The following MYO3B variants were observed in gnomAD, a reference collection of about 807,000 sequenced individuals.
MYO3B encodes myosin-IIIb.
In MYO3B, 156 loss-of-function variants were observed where a neutral mutation model predicts 174.6. That is an observed-to-expected ratio of 0.89 (90% confidence interval 0.78 to 1.02). MYO3B has a LOEUF of 1.02. Among genes scored for constraint, MYO3B ranks in the 50% least tolerant of loss-of-function variants. The pLI is 0.00. For missense variants in MYO3B, 1,632 were observed against 1,639.4 expected, an observed-to-expected ratio of 1.00 and a Z score of 0.08; for synonymous variants, 563 against 569.1, an observed-to-expected ratio of 0.99 and a Z score of 0.15.
At chr2:170,389,463 A>C (rs1056385683) in intron 14 of MYO3B, among the ~76,000 whole-genome samples, 1 of 152,194 alleles carries the variant, frequency 6.6e-6, no homozygotes, top group Non-Finnish European at 1.5e-5. Flanking sequence ...CTAAACCTTT[A>C]TTGAGTTAAG....
chr2:170,397,745 C>A (rs1027101144), intron 16 of MYO3B, among the ~76,000 whole-genome samples: 7 of 152,136 alleles, frequency 4.6e-5, no homozygotes, highest in Non-Finnish European at 5.9e-5. Context: ...ATCCCACAAG[C>A]TAAGGGCTCA....
rs777784789 is a variant in MYO3B, at chr2:170,531,908, G to T, written c.3576-10998G>T. Among the ~76,000 whole-genome samples, 41 of 152,188 alleles carry T rather than the reference G, an allele frequency of 2.7e-4. 1 individual carries two copies. Among genetic ancestry groups the T allele is most frequent in the Non-Finnish European group, 8.8e-5 (6 of 68,028 alleles). On this transcript the variant is annotated intron_variant, in intron 30 of 34. Coordinates refer to ENST00000408978, the MANE Select transcript of MYO3B (RefSeq NM_138995.5). ...TCATTTGGCAACTGCAAAAATAATT[G>T]TTTCAGGCAATAATTATGAATGGAT... is the stretch of plus-strand genomic sequence containing the variant.
chr2:170,522,659 C>T (rs1406428821), intron 30 of MYO3B, among the ~76,000 whole-genome samples: 4 of 152,200 alleles, frequency 2.6e-5, no homozygotes, highest in Non-Finnish European at 4.4e-5. Context: ...GTCCTCCAGG[C>T]TCACCTCCAC....
intron 23 of MYO3B, among the ~76,000 whole-genome samples, chr2:170,445,170 G>A (rs1001752073): frequency 7.5e-6 from 1 of 133,148 alleles, no homozygotes; most frequent in African/African-American, 2.5e-5. Flanking sequence ...AATAATTATA[G>A]TCAGTATTTT....
In MYO3B at chr2:170,391,559, T is replaced by G. The variant is rs2094412073; in HGVS notation, c.1617T>G (p.Ala539=). ...KNFHIFYYIY[A]GLHHQKKLSD... is the part of the protein sequence containing the mutation. ...TTCATATATTTTACTATATTTATGC[T>G]GGTCTTCATCACCAAAAGAAGCTTT... The change falls in exon 15 of 35, where the codon GCT becomes GCG. Residue 539 remains alanine, a synonymous_variant. Coordinates refer to ENST00000408978, the MANE Select transcript of MYO3B (RefSeq NM_138995.5). 1.3e-6 allele frequency: 2 copies of G among 1,578,790 alleles called. No individual in the cohort carries two copies. The highest frequency in any genetic ancestry group is 4.6e-5 in the East Asian group (2 of 43,642).
Position 170,387,142 on chromosome 2 carries a change from G to A in MYO3B, c.1411G>A (p.Val471Ile). ...GACCTTGAGAGAGAAAATTCTACAAGTCAACTCCCTGGTGGAAGCCTTTGG... is the reference window on the plus strand; with the variant it reads ...GACCTTGAGAGAGAAAATTCTACAAATCAACTCCCTGGTGGAAGCCTTTGG... ...NQTLREKILQ[V>I]NSLVEAFGNS... The change falls in exon 14 of 35, where the codon GTC becomes ATC. Residue 471 changes from valine to isoleucine, a missense_variant. Val to Ile is a conservative substitution (Grantham distance 29). Coordinates refer to ENST00000408978, the MANE Select transcript of MYO3B (RefSeq NM_138995.5). 1 of 1,614,048 alleles carries A rather than the reference G, an allele frequency of 6.2e-7. No individual in the cohort carries two copies. The highest frequency in any genetic ancestry group is 1.1e-5 in the South Asian group (1 of 91,078).
rs762384705 is a variant in MYO3B at position 170,429,689 on chromosome 2, G to A, written c.2651-14278G>A. ...GGTTTACATTCTGTATCTGTCTTGC[G>A]CATGTCTTTCAGATAGAATACCTTC... On this transcript the variant is annotated intron_variant, in intron 22 of 34. Coordinates refer to ENST00000408978, the MANE Select transcript of MYO3B (RefSeq NM_138995.5). Among the ~76,000 whole-genome samples the A allele has an allele frequency of 1.1e-4, 17 of 152,162 alleles. 1 individual carries two copies. Among genetic ancestry groups the A allele is most frequent in the Admixed American group, 7.9e-4 (12 of 15,266 alleles).
intron 7 of MYO3B, among the ~76,000 whole-genome samples, chr2:170,253,250 T>C (rs577066528): frequency 3.3e-4 from 50 of 152,122 alleles, no homozygotes; most frequent in African/African-American, 1.1e-3. Flanking sequence ...TGGATATAAT[T>C]TGGAGGTGGT....
intron 32 of MYO3B, among the ~76,000 whole-genome samples, chr2:170,594,768 C>G (rs373883411): frequency 4.0e-5 from 6 of 151,876 alleles, no homozygotes; most frequent in South Asian, 2.1e-4. Context: ...CCTTTCCTAC[C>G]TTGCTTTTCT....
At chr2:170,478,775 T>A (rs1399979973) in intron 25 of MYO3B, among the ~76,000 whole-genome samples, 1 of 149,978 alleles carries the variant, frequency 6.7e-6, no homozygotes, top group Non-Finnish European at 1.5e-5. Context: ...TTCACCATGT[T>A]GGCCAGGCTG....
At chr2:170,633,521 A>G (rs1292438204) in intron 32 of MYO3B, among the ~76,000 whole-genome samples, 1 of 152,212 alleles carries the variant, frequency 6.6e-6, no homozygotes, top group Non-Finnish European at 1.5e-5. Context: ...ATCATACTGA[A>G]TGGGCAAAAA....
At chr2:170,304,088 C>T (rs776344325) in intron 7 of MYO3B, among the ~76,000 whole-genome samples, 6 of 152,046 alleles carry the variant, frequency 3.9e-5, no homozygotes, top group African/African-American at 1.4e-4. Context: ...TGGTGCATAT[C>T]ATTCTGTGTA....
intron 25 of MYO3B, among the ~76,000 whole-genome samples, chr2:170,471,990 T>TAAA (rs533804427): frequency 7.8e-6 from 1 of 128,036 alleles, no homozygotes. Flanking sequence ...AAACTCTGTC[T>TAAA]AAAAAAAAAA....
intron 22 of MYO3B, among the ~76,000 whole-genome samples, chr2:170,436,583 T>A (rs1210327440): frequency 1.3e-5 from 2 of 152,230 alleles, no homozygotes; most frequent in Admixed American, 1.3e-4. Flanking sequence ...TTGCTGAAAC[T>A]TTGAAATCTT....
chr2:170,288,572 C>A (rs553440919), intron 7 of MYO3B, among the ~76,000 whole-genome samples: 1 of 151,988 alleles, frequency 6.6e-6, no homozygotes, highest in Non-Finnish European at 1.5e-5. Context: ...GATTTTGTAT[C>A]CTGCAACTTT....
chr2:170,263,531 C>T (rs565439910), intron 7 of MYO3B, among the ~76,000 whole-genome samples: 1 of 152,078 alleles, frequency 6.6e-6, no homozygotes, highest in South Asian at 2.1e-4. Flanking sequence ...GGGAGAGGGT[C>T]AGCAGGAAAA....
chr2:170,402,856 G>A lies in MYO3B; in HGVS notation c.2138G>A (p.Gly713Glu). 1 of 1,609,836 alleles carries A rather than the reference G, an allele frequency of 6.2e-7. No individual in the cohort carries two copies. ...TCTTCTCTCTCATGCAGTAGTGCAG[G>A]AGGTGGAATGAATGTGGGGATCTTG... ...LQPDENICSA[G>E]GGMNVGILDI... The change falls in exon 19 of 35, where the codon GGA (glycine) becomes GAA (glutamate). Residue 713 changes from glycine to glutamate, a missense_variant. Physicochemically the swap from Gly to Glu is moderately conservative, Grantham distance 98. Coordinates refer to ENST00000408978, the MANE Select transcript of MYO3B (RefSeq NM_138995.5).
chr2:170,603,642 A>G (rs1465976291), intron 32 of MYO3B, among the ~76,000 whole-genome samples: 1 of 152,154 alleles, frequency 6.6e-6, no homozygotes, highest in East Asian at 1.9e-4. Context: ...ACAGTTGTCT[A>G]CTTCATATTG....
At chr2:170,322,794 C>T (rs2093838314) in intron 7 of MYO3B, among the ~76,000 whole-genome samples, 1 of 152,110 alleles carries the variant, frequency 6.6e-6, no homozygotes, top group Non-Finnish European at 1.5e-5. Context: ...CTCTGGTGAT[C>T]CAGGCTCAGA....
Sources: allele counts gnomAD v4.1 joint callset (sites outside exome capture counted in the v4.1 genomes callset), GRCh38; gene constraint gnomAD v4.1.1; transcripts MANE v1.5; gene names NCBI Gene and HGNC (gene_info 2026-07-23, HGNC 2026-07-21).